MCF2L: variants seen among roughly 807,000 people sequenced by gnomAD.
MCF2L encodes the protein guanine nucleotide exchange factor DBS.
MCF2L carries 97 observed loss-of-function variants against 153.4 expected under a neutral mutation model. The ratio of observed to expected loss-of-function variants is 0.63; its 90% CI spans 0.54 to 0.75. The LOEUF (loss-of-function observed/expected upper bound fraction) is 0.75, where lower values mean the gene tolerates loss of function less well. MCF2L is among the 30% of genes least tolerant of loss of function. The pLI is 0.00. For synonymous variants in MCF2L, 659 were observed against 632.2 expected, an observed-to-expected ratio of 1.04 and a Z score of -0.64; for missense variants, 1,347 against 1,495.2, an observed-to-expected ratio of 0.90 and a Z score of 1.64.
chr13:113,008,892 C>T (rs1035674848), intron 1 of MCF2L: 5 of 152,320 alleles, frequency 3.3e-5, no homozygotes, highest in African/African-American at 7.2e-5. Flanking sequence ...TTCTTACGCC[C>T]GCCTGCATCA....
At chr13:113,088,678 G>A in intron 25 of MCF2L, 50 bp downstream of exon 25, 2 of 1,575,370 alleles carry the variant, frequency 1.3e-6, no homozygotes, top group Non-Finnish European at 8.6e-7. Context: ...GCAGTCCCGA[G>A]CAGGCCATTT....
chr13:113,015,156 G>A (rs2084425475), intron 2 of MCF2L, among the ~76,000 whole-genome samples: 1 of 152,186 alleles, frequency 6.6e-6, no homozygotes, highest in Non-Finnish European at 1.5e-5. Flanking sequence ...GGGTGGCCGA[G>A]CCCATGGGCC....
At chr13:113,041,093 G>A (rs2086455901) in intron 3 of MCF2L, 1 of 152,258 alleles carries the variant, frequency 6.6e-6, no homozygotes, top group African/African-American at 2.4e-5. Flanking sequence ...GTTGGCAGCT[G>A]ATGGGGCATC....
intron 1 of MCF2L, among the ~76,000 whole-genome samples, chr13:112,899,026 C>T (rs890523721): frequency 1.3e-5 from 2 of 152,246 alleles, no homozygotes; most frequent in African/African-American, 4.8e-5. Context: ...GCTGCTGAAC[C>T]TGCGGAGAAG....
At chr13:113,095,815 G>A (rs185358446) in intron 27 of MCF2L, 10 of 998,356 alleles carry the variant, frequency 1.0e-5, no homozygotes, top group South Asian at 8.8e-5. Context: ...ATTCCCCAAC[G>A]GAACGTGTTC....
upstream of MCF2L, chr13:112,968,458 G>A (rs768299388): frequency 6.3e-7 from 1 of 1,588,608 alleles, no homozygotes; most frequent in Non-Finnish European, 8.5e-7. Flanking sequence ...GTGGCTTGGT[G>A]CCAACCATGG....
intron 1 of MCF2L, among the ~76,000 whole-genome samples, chr13:113,011,110 C>T (rs936629835): frequency 3.9e-5 from 6 of 152,190 alleles, no homozygotes; most frequent in African/African-American, 1.4e-4. Context: ...CAGGGCCCCG[C>T]CTGCAGAAGG....
chr13:113,005,313 C>T (rs2083614352), intron 1 of MCF2L, among the ~76,000 whole-genome samples: 1 of 152,200 alleles, frequency 6.6e-6, no homozygotes, highest in South Asian at 2.1e-4. Context: ...GTCAGAGACG[C>T]CGACAAGCAC....
intron 2 of MCF2L, among the ~76,000 whole-genome samples, chr13:112,950,342 T>A (rs1415676700): frequency 6.6e-6 from 1 of 152,224 alleles, no homozygotes; most frequent in African/African-American, 2.4e-5. Flanking sequence ...AGAATTCTTA[T>A]CAAAATCCCA....
intron 26 of MCF2L, chr13:113,090,973 C>G (rs563359533): frequency 8.9e-5 from 109 of 1,222,744 alleles, no homozygotes; most frequent in Non-Finnish European, 1.1e-4. Context: ...CTGTGTTTTG[C>G]TCACAGAAGC....
intron 3 of MCF2L, chr13:113,044,883 C>G: frequency 1.2e-6 from 2 of 1,612,878 alleles, no homozygotes; most frequent in South Asian, 2.2e-5. Flanking sequence ...CCAGGACCGG[C>G]GTGATGTATG....
At chr13:112,984,413 T>A (rs1463394308) in intron 1 of MCF2L, among the ~76,000 whole-genome samples, 1 of 152,100 alleles carries the variant, frequency 6.6e-6, no homozygotes, top group South Asian at 2.1e-4. Context: ...TTTTTTGGTA[T>A]TTTTAGTAGA....
Position 113,075,206 on chromosome 13 carries a change from C to A in MCF2L, c.1308+17C>A. On this transcript the variant is annotated intron_variant, in intron 11 of 29. Coordinates refer to ENST00000535094, the MANE Select transcript of MCF2L (RefSeq NM_001112732.3). ...CTGGAGACGGTAGGCCGAGCCGGAC[C>A]CCACCCCACTCCCCCCCAGCTGCGG... 6.4e-7 allele frequency: 1 copy of A among 1,572,672 alleles called. No individual in the cohort carries two copies. Among genetic ancestry groups the A allele is most frequent in the Non-Finnish European group, 8.7e-7 (1 of 1,153,212 alleles).
intron 20 of MCF2L, among the ~76,000 whole-genome samples, chr13:113,085,385 C>T (rs2034532793): frequency 6.6e-6 from 1 of 152,200 alleles, no homozygotes; most frequent in African/African-American, 2.4e-5. Flanking sequence ...AGACGAGTCC[C>T]CGTCCCCATG....
At chr13:112,959,257 C>T (rs750292168) in intron 2 of MCF2L, among the ~76,000 whole-genome samples, 4 of 152,068 alleles carry the variant, frequency 2.6e-5, no homozygotes, top group Non-Finnish European at 4.4e-5. Context: ...CCTCACCACC[C>T]CCCGTCCTCC....
chr13:112,933,862 TG>T (rs2081488273), intron 2 of MCF2L, among the ~76,000 whole-genome samples: 1 of 152,218 alleles, frequency 6.6e-6, no homozygotes, highest in Admixed American at 6.5e-5. Flanking sequence ...AACAGATGCC[TG>T]CAGGAGGAAA....
At chr13:113,084,562 A>C in intron 18 of MCF2L, 1 of 395,524 alleles carries the variant, frequency 2.5e-6, no homozygotes, top group South Asian at 4.3e-5. Context: ...TAGAAGTTCT[A>C]TTATATAAAC....
In MCF2L at chr13:113,088,339, G is replaced by A. The variant is rs753156751; in HGVS notation, c.2701G>A (p.Glu901Lys). The A allele has an allele frequency of 6.2e-6, 10 of 1,614,026 alleles. No homozygotes were observed. Among genetic ancestry groups the A allele is most frequent in the South Asian group, 1.1e-5 (1 of 91,088 alleles). ...TTTGGGGAAACAGGCGCCAACTCCT[G>A]AGATTAAAGCCGCGTGGGTGAATGA... ...EVYIVQAPTP[E>K]IKAAWVNEIR... is the part of the protein sequence containing the mutation. The change falls in exon 24 of 30, where the codon GAG becomes AAG. Residue 901 changes from glutamate (E) to lysine (K), a missense_variant. Physicochemically the swap from Glu to Lys is moderately conservative, Grantham distance 56 (BLOSUM62 1). Coordinates refer to ENST00000535094, the MANE Select transcript of MCF2L (RefSeq NM_001112732.3).
intron 1 of MCF2L, among the ~76,000 whole-genome samples, chr13:112,896,863 A>T (rs2081072927): frequency 6.6e-6 from 1 of 152,208 alleles, no homozygotes; most frequent in Non-Finnish European, 1.5e-5. Context: ...CGCCTCACAG[A>T]TGGAACAGGG....
Sources: gnomAD v4.1 joint callset for allele counts (sites outside exome capture counted in the v4.1 genomes callset) on GRCh38, gnomAD v4.1.1 for gene constraint, MANE v1.5 for transcripts, NCBI Gene and HGNC (gene_info 2026-07-23, HGNC 2026-07-21) for gene names.